The following DCDC2 variants were observed in gnomAD, a reference collection of about 807,000 sequenced individuals.
The protein encoded by DCDC2 is doublecortin domain containing 2.
A neutral mutation model predicts 50.2 loss-of-function variants in DCDC2; 40 were observed. The observed-to-expected ratio is 0.80, with a 90% CI of 0.62 to 1.04. The LOEUF is 1.04. Among genes scored for constraint, DCDC2 ranks in the 50% least tolerant of loss-of-function variants. The probability of loss-of-function intolerance (pLI) is 0.00; values close to 1 mark genes in which losing one functional copy is unlikely to be tolerated. For synonymous variants in DCDC2, 234 were observed against 210.6 expected, an observed-to-expected ratio of 1.11 and a Z score of -0.96; for missense variants, 570 against 581.9, an observed-to-expected ratio of 0.98 and a Z score of 0.21.
chr6:24,229,350 C>T (rs1410095301), intron 7 of DCDC2, among the ~76,000 whole-genome samples: 2 of 152,192 alleles, frequency 1.3e-5, no homozygotes, highest in Non-Finnish European at 2.9e-5. Flanking sequence ...TACATTATCT[C>T]TCTGCTTCTA....
At chr6:24,241,402 CT>C (rs1193822332) in intron 7 of DCDC2, among the ~76,000 whole-genome samples, 1 of 152,136 alleles carries the variant, frequency 6.6e-6, no homozygotes, top group Non-Finnish European at 1.5e-5. Flanking sequence ...TATTAGGTCT[CT>C]TTTGCATGCC....
intron 7 of DCDC2, among the ~76,000 whole-genome samples, chr6:24,270,999 A>T (rs975774099): frequency 6.6e-6 from 1 of 151,978 alleles, no homozygotes; most frequent in African/African-American, 2.4e-5. Context: ...AGGCAGGCAG[A>T]TCACTTGAGC....
chr6:24,214,796 A>T (rs1761940361), intron 7 of DCDC2, among the ~76,000 whole-genome samples: 1 of 152,238 alleles, frequency 6.6e-6, no homozygotes, highest in Non-Finnish European at 1.5e-5. Context: ...ATGACCTTGT[A>T]TCAGAAGAGT....
chr6:24,296,529 A>G lies in DCDC2; in HGVS notation c.557+5186T>C, dbSNP rs1431597161. ...AAAAGAAACTATCAACAGAGTAAAC[A>G]GATAAACTACAGAATGGGAGAAACT... On this transcript the variant is annotated intron_variant, in intron 4 of 9. Transcript: ENST00000378454. Among the ~76,000 whole-genome samples, 7 of 152,340 alleles carry G rather than the reference A, an allele frequency of 4.6e-5. No individual in the cohort carries two copies. The East Asian group carries it at 1.4e-3, about 29-fold the overall frequency.
intron 7 of DCDC2, among the ~76,000 whole-genome samples, chr6:24,253,925 T>A (rs957362846): frequency 6.6e-6 from 1 of 152,208 alleles, no homozygotes; most frequent in Non-Finnish European, 1.5e-5. Flanking sequence ...TAACTTTATA[T>A]TAAAACTTTT....
intron 9 of DCDC2, among the ~76,000 whole-genome samples, chr6:24,177,138 T>C (rs1489716799): frequency 2.6e-5 from 4 of 152,132 alleles, no homozygotes; most frequent in Admixed American, 2.6e-4. Flanking sequence ...CAACAAAGAG[T>C]TGTATGAAAC....
chr6:24,234,365 G>C (rs1464623101), intron 7 of DCDC2, among the ~76,000 whole-genome samples: 3 of 152,228 alleles, frequency 2.0e-5, no homozygotes, highest in African/African-American at 7.2e-5. Context: ...CAAAGTTGAA[G>C]ATAATGGGCT....
At chr6:24,266,862 T>A (rs1209189797) in intron 7 of DCDC2, among the ~76,000 whole-genome samples, 1 of 152,196 alleles carries the variant, frequency 6.6e-6, no homozygotes, top group Non-Finnish European at 1.5e-5. Flanking sequence ...ACTCCATGTT[T>A]ATTGCAGCAC....
intron 8 of DCDC2, among the ~76,000 whole-genome samples, chr6:24,198,821 G>C (rs1177345745): frequency 6.6e-6 from 1 of 152,176 alleles, no homozygotes; most frequent in Non-Finnish European, 1.5e-5. Flanking sequence ...AGCTTGGTGG[G>C]GGGAGGGATG....
chr6:24,291,508 C>T (rs868371481), intron 4 of DCDC2, among the ~76,000 whole-genome samples: 3 of 97,832 alleles, frequency 3.1e-5, no homozygotes, highest in African/African-American at 7.9e-5. Context: ...TTTTTTGAGA[C>T]GGAGTCTCGC....
At position 24,189,919 on chromosome 6, in the gene DCDC2, G is replaced by A. The variant is rs190030876; in HGVS notation, c.1024-11287C>T. ...AGGCATAGATGTTGAAAATACAGAA[G>A]TTATCGTACTTGTTTTTATTATTTC... On this transcript the variant is annotated intron_variant, in intron 8 of 9. Coordinates refer to ENST00000378454, the MANE Select transcript of DCDC2 (RefSeq NM_016356.5). Among the ~76,000 whole-genome samples, 3 of 152,232 alleles carry A rather than the reference G, an allele frequency of 2.0e-5. No homozygotes were observed. In the East Asian group the frequency reaches 5.8e-4, roughly 29 times the overall value.
chr6:24,379,257 A>G, the DCDC2 span, among the ~76,000 whole-genome samples: 7 of 152,198 alleles, frequency 4.6e-5, no homozygotes, highest in Admixed American at 6.5e-5. Context: ...CAGGCAACCT[A>G]CAGAATGCGA....
At chr6:24,203,747 G>C (rs1207657616) in intron 8 of DCDC2, among the ~76,000 whole-genome samples, 1 of 151,806 alleles carries the variant, frequency 6.6e-6, no homozygotes, top group Non-Finnish European at 1.5e-5. Flanking sequence ...CATCTGACAG[G>C]GCTAATATTC....
chr6:24,282,702 G>A (rs1412993074), intron 6 of DCDC2, among the ~76,000 whole-genome samples: 1 of 149,024 alleles, frequency 6.7e-6, no homozygotes, highest in Non-Finnish European at 1.5e-5. Flanking sequence ...AATTTCGTGA[G>A]AGGTTTGCCT....
At position 24,278,186 on chromosome 6, in the gene DCDC2, G is replaced by A. The variant is rs200534758; in HGVS notation, c.785C>T (p.Thr262Ile). The A allele has an allele frequency of 8.6e-5, 138 of 1,611,668 alleles. No individual in the cohort carries two copies. The highest frequency in any genetic ancestry group is 4.8e-5 in the Non-Finnish European group (57 of 1,179,460). Residue 262 changes from threonine to isoleucine, a missense_variant, in exon 7 of 10, where the codon ACA (threonine) becomes ATA (isoleucine). Thr to Ile is a moderately conservative substitution (Grantham distance 89). Coordinates refer to ENST00000378454, the MANE Select transcript of DCDC2 (RefSeq NM_016356.5). ...AGATGAGTTGTCACTGGATCCAACTGTTGACTTAGAGTGGCGATCATTTCC... is the reference window on the plus strand; with the variant it reads ...AGATGAGTTGTCACTGGATCCAACTATTGACTTAGAGTGGCGATCATTTCC... Reference protein sequence around the residue: ...GSGNDRHSKSTVGSSDNSSPQ... With the variant: ...GSGNDRHSKSIVGSSDNSSPQ...
At chr6:24,183,939 A>G (rs1291111682) in intron 8 of DCDC2, among the ~76,000 whole-genome samples, 1 of 152,200 alleles carries the variant, frequency 6.6e-6, no homozygotes, top group Non-Finnish European at 1.5e-5. Flanking sequence ...GACAGGTGAG[A>G]AAGGCGGGGC....
chr6:24,253,663 C>T (rs1236431072), intron 7 of DCDC2, among the ~76,000 whole-genome samples: 1 of 152,064 alleles, frequency 6.6e-6, no homozygotes, highest in African/African-American at 2.4e-5. Flanking sequence ...ACTACTTGTG[C>T]TTCTAAACAT....
At position 24,205,089 on chromosome 6, in the gene DCDC2, G is replaced by A. The variant is rs1203036318; in HGVS notation, c.936C>T (p.Phe312=). 6.2e-7 allele frequency: 1 copy of A among 1,613,922 alleles called. No individual in the cohort carries two copies. The highest frequency in any genetic ancestry group is 2.2e-5 in the East Asian group (1 of 44,886). Residue 312 remains phenylalanine, a synonymous_variant, in exon 8 of 10, where the codon TTC becomes TTT. Coordinates refer to ENST00000378454, the MANE Select transcript of DCDC2 (RefSeq NM_016356.5). ...ETIPNSDEGI[F]KAGAERSETR... The stretch of plus-strand genomic sequence containing the variant: ...TTTCAGACCTCTCTGCTCCAGCTTT[G>A]AAAATGCCTTCATCTATTGAGACAA...
rs576903335 is a variant in DCDC2 at position 24,218,801 on chromosome 6, A to T, written c.923-13699T>A. On this transcript the variant is annotated intron_variant, in intron 7 of 9. Transcript: ENST00000378454. ...CTGCATCCGGCCTATTTTAAAAATA[A>T]ATAAAAATAAACCTTTGGGGAAAAA... 1.2e-4 allele frequency among the ~76,000 whole-genome samples: 18 copies of T among 152,344 alleles called. No homozygotes were observed. The East Asian group carries it at 3.3e-3, about 28-fold the overall frequency.
Sources: gnomAD v4.1 joint callset for allele counts (sites outside exome capture counted in the v4.1 genomes callset) on GRCh38, gnomAD v4.1.1 for gene constraint, MANE v1.5 for transcripts, NCBI Gene and HGNC (gene_info 2026-07-23, HGNC 2026-07-21) for gene names.